PTPRD: variants seen among roughly 807,000 people sequenced by gnomAD.
PTPRD encodes receptor-type tyrosine-protein phosphatase delta.
PTPRD carries 34 observed loss-of-function variants against 214.5 expected under a neutral mutation model. The ratio of observed to expected loss-of-function variants is 0.16; its 90% confidence interval spans 0.12 to 0.21. PTPRD has a LOEUF of 0.21. Among genes scored for constraint, PTPRD ranks in the 10% least tolerant of loss-of-function variants. The pLI is 1.00. For missense variants in PTPRD, 2,545 were observed against 2,398.7 expected (o/e 1.06, Z -1.27); for synonymous variants, 1,128 against 845.7 (o/e 1.33, Z -5.79).
intron 7 of PTPRD, among the ~76,000 whole-genome samples, chr9:9,594,400 T>C (rs966939789): frequency 3.9e-5 from 6 of 152,062 alleles, no homozygotes; most frequent in Admixed American, 6.6e-5. Context: ...ATTTTTATAG[T>C]TTTAGGTCTT....
At chr9:10,600,712 A>C (rs1365713921) in intron 2 of PTPRD, among the ~76,000 whole-genome samples, 1 of 151,810 alleles carries the variant, frequency 6.6e-6, no homozygotes, top group African/African-American at 2.4e-5. Flanking sequence ...GTGCAGAATA[A>C]TATAGTAGGT....
chr9:8,781,147 G>A lies in PTPRD; in HGVS notation c.-103-47201C>T, dbSNP rs552721700. 1.3e-3 allele frequency among the ~76,000 whole-genome samples: 195 copies of A among 152,238 alleles called. 1 individual carries two copies. The highest frequency in any genetic ancestry group is 3.4e-3 in the Middle Eastern group (1 of 294). The stretch of plus-strand genomic sequence containing the variant: ...TTCTGCAGTTTATGACCAGCAAAAG[G>A]CTTTGCCTTGGTACCACTTCAAGAC... On this transcript the variant is annotated intron_variant, in intron 11 of 45. Transcript: ENST00000381196.
At chr9:9,374,128 A>T (rs938199408) in intron 9 of PTPRD, among the ~76,000 whole-genome samples, 15 of 152,038 alleles carry the variant, frequency 9.9e-5, no homozygotes. Flanking sequence ...ATTAACCTAA[A>T]AATATTCCAG....
At chr9:10,541,667 T>G (rs1466208063) in intron 2 of PTPRD, among the ~76,000 whole-genome samples, 1 of 151,960 alleles carries the variant, frequency 6.6e-6, no homozygotes, top group Non-Finnish European at 1.5e-5. Context: ...AACTACAATT[T>G]TAAATAAACA....
chr9:9,376,835 A>T (rs746395853), intron 9 of PTPRD, among the ~76,000 whole-genome samples: 1 of 152,150 alleles, frequency 6.6e-6, no homozygotes, highest in Non-Finnish European at 1.5e-5. Flanking sequence ...TACATAAAAC[A>T]TAATGTGGAA....
intron 5 of PTPRD, among the ~76,000 whole-genome samples, chr9:9,842,422 C>T (rs7851846): frequency 0.16 from 23,319 of 145,460 alleles, 3,465 homozygotes; most frequent in East Asian, 0.75. Context: ...GGGATTAAAT[C>T]CATGATAATA....
At chr9:9,597,373 C>T (rs2093431342) in intron 7 of PTPRD, among the ~76,000 whole-genome samples, 2 of 151,930 alleles carry the variant, frequency 1.3e-5, no homozygotes, top group African/African-American at 4.8e-5. Context: ...AAATGACTAG[C>T]AAGTCATGGG....
At chr9:8,969,054 T>A (rs1247936550) in intron 11 of PTPRD, among the ~76,000 whole-genome samples, 1 of 151,972 alleles carries the variant, frequency 6.6e-6, no homozygotes, top group Non-Finnish European at 1.5e-5. Flanking sequence ...TAAGCAAACA[T>A]AATGGACATT....
intron 5 of PTPRD, among the ~76,000 whole-genome samples, chr9:9,802,147 T>C (rs1481890173): frequency 6.6e-6 from 1 of 152,034 alleles, no homozygotes; most frequent in Non-Finnish European, 1.5e-5. Flanking sequence ...GCAGACACAG[T>C]CTGGTCCAGG....
chr9:8,618,738 C>T (rs2095696504), intron 14 of PTPRD, among the ~76,000 whole-genome samples: 1 of 151,706 alleles, frequency 6.6e-6, no homozygotes, highest in Non-Finnish European at 1.5e-5. Context: ...GCTCTGTTGC[C>T]CAGGCTAGAA....
At chr9:9,674,293 A>G (rs1262327986) in intron 7 of PTPRD, among the ~76,000 whole-genome samples, 2 of 151,812 alleles carry the variant, frequency 1.3e-5, no homozygotes, top group Middle Eastern at 3.2e-3. Flanking sequence ...TTTGCAATGT[A>G]TATTTCCACA....
chr9:8,610,544 G>C (rs2095410978), intron 14 of PTPRD, among the ~76,000 whole-genome samples: 2 of 152,132 alleles, frequency 1.3e-5, no homozygotes, highest in Admixed American at 1.3e-4. Context: ...CTCTCTGTTA[G>C]ACAAATGAAA....
chr9:10,415,010 T>C (rs999042895), intron 2 of PTPRD, among the ~76,000 whole-genome samples: 14 of 151,856 alleles, frequency 9.2e-5, no homozygotes, highest in Non-Finnish European at 1.6e-4. Flanking sequence ...TAATAGGTGA[T>C]GAAGTAATCT....
chr9:10,193,367 T>A (rs917093051), intron 3 of PTPRD, among the ~76,000 whole-genome samples: 1 of 152,008 alleles, frequency 6.6e-6, no homozygotes, highest in African/African-American at 2.4e-5. Context: ...AGCCTCTGTG[T>A]GCGGTTGGGC....
chr9:8,349,786 A>G (rs931091891), intron 39 of PTPRD, among the ~76,000 whole-genome samples: 1 of 152,224 alleles, frequency 6.6e-6, no homozygotes, highest in African/African-American at 2.4e-5. Context: ...AATGGAGTCT[A>G]GCATTATGTT....
chr9:10,358,283 T>A (rs1394202656), intron 2 of PTPRD, among the ~76,000 whole-genome samples: 1 of 152,036 alleles, frequency 6.6e-6, no homozygotes, highest in African/African-American at 2.4e-5. Context: ...AATACAGAAC[T>A]AAGCATCTTT....
intron 9 of PTPRD, among the ~76,000 whole-genome samples, chr9:9,252,212 G>A (rs2099975758): frequency 6.6e-6 from 1 of 151,960 alleles, no homozygotes; most frequent in Non-Finnish European, 1.5e-5. Context: ...CAAAGAAGAA[G>A]CTCCAAAAAC....
intron 3 of PTPRD, among the ~76,000 whole-genome samples, chr9:10,308,583 C>T (rs1193668853): frequency 6.6e-6 from 1 of 151,868 alleles, no homozygotes; most frequent in Non-Finnish European, 1.5e-5. Flanking sequence ...AGATTTTATT[C>T]TATTTCTGTG....
chr9:9,575,945 C>T (rs2088574224), intron 7 of PTPRD, among the ~76,000 whole-genome samples: 1 of 151,848 alleles, frequency 6.6e-6, no homozygotes, highest in Non-Finnish European at 1.5e-5. Flanking sequence ...AACCTCTGCC[C>T]TCAAAGAAGA....
Sources: allele counts gnomAD v4.1 joint callset (sites outside exome capture counted in the v4.1 genomes callset), GRCh38; gene constraint gnomAD v4.1.1; transcripts MANE v1.5; gene names NCBI Gene and HGNC (gene_info 2026-07-23, HGNC 2026-07-21).